CCDC34: variants seen among roughly 807,000 people sequenced by gnomAD.
CCDC34 encodes the protein coiled-coil domain-containing protein 34.
Under a neutral mutation model 44.1 loss-of-function variants are expected in CCDC34, and 40 were observed. The observed-to-expected ratio is 0.91, with a 90% CI of 0.70 to 1.18. The LOEUF (loss-of-function observed/expected upper bound fraction) is 1.18. Ranked by LOEUF, CCDC34 falls within the 50% of genes most tolerant of loss-of-function variation. The pLI is 0.00. For missense variants in CCDC34, 466 were observed against 452.3 expected (o/e 1.03, Z -0.28); for synonymous variants, 159 against 158.2 (o/e 1.01, Z -0.04).
At position 27,349,003 on chromosome 11, in the gene CCDC34, G is replaced by A. The variant is rs1862471047; in HGVS notation, c.606+1329C>T. 1.4e-5 allele frequency: 14 copies of A among 983,576 alleles called. No homozygotes were observed. The South Asian group carries it at 6.1e-4, about 43-fold the overall frequency. 60.9% of individuals were successfully genotyped at this position (983,576 alleles called of 1,614,324 possible). On this transcript the variant is annotated intron_variant, in intron 3 of 5. Coordinates refer to ENST00000328697, the MANE Select transcript of CCDC34 (RefSeq NM_030771.2). ...AATTTTTTTTTTCTTCAAATAATTG[G>A]ATTAGGTCTACTGCCACTAATTAAA... is the stretch of plus-strand genomic sequence containing the variant.
Position 27,338,926 on chromosome 11 carries a change from C to G in CCDC34, c.1017G>C (p.Lys339Asn), listed in dbSNP as rs760726965. Residue 339 changes from lysine to asparagine, a missense_variant, in exon 6 of 6, where the codon AAG becomes AAC. Physicochemically the swap from Lys to Asn is moderately conservative, Grantham distance 94. Transcript: ENST00000328697. ...PKEAKDLSGRKSKRPVISQPH... is the reference protein window; with the variant it reads ...PKEAKDLSGRNSKRPVISQPH... ...GCTGACTTATCACAGGTCTTTTACT[C>G]TTCCTTCCTGATAGATCCTTAGCTT... 1 of 1,613,704 alleles carries G rather than the reference C, an allele frequency of 6.2e-7. No homozygotes were observed. Among genetic ancestry groups the G allele is most frequent in the East Asian group, 2.2e-5 (1 of 44,834 alleles).
In CCDC34 at chr11:27,363,202, G is replaced by C; in HGVS notation, c.-8C>G. 6.8e-7 allele frequency: 1 copy of C among 1,461,336 alleles called. No homozygotes were observed. The highest frequency in any genetic ancestry group is 9.0e-7 in the Non-Finnish European group (1 of 1,114,146). 90.5% of individuals were successfully genotyped at this position (1,461,336 alleles called of 1,614,324 possible). On this transcript the variant is annotated 5_prime_UTR_variant, in exon 1 of 6. Coordinates refer to ENST00000328697, the MANE Select transcript of CCDC34 (RefSeq NM_030771.2). ...GCGCCCCGCCGCCCACATCTGGCCCGCCAAGTTCAAACTGGCGGAGCCGCG... is the reference window on the plus strand; with the variant it reads ...GCGCCCCGCCGCCCACATCTGGCCCCCCAAGTTCAAACTGGCGGAGCCGCG...
chr11:27,348,942 T>A, intron 3 of CCDC34: 1 of 985,198 alleles, frequency 1.0e-6, no homozygotes. Context: ...AACTAGTGAT[T>A]TATGTCAGGG....
intron 1 of CCDC34, among the ~76,000 whole-genome samples, chr11:27,362,553 A>G (rs553875416): frequency 6.6e-6 from 1 of 152,324 alleles, no homozygotes; most frequent in Admixed American, 6.5e-5. Context: ...CTGAAATGGT[A>G]GCAGAGTTTT....
At chr11:27,358,453 A>G (rs1319849816) in intron 1 of CCDC34, among the ~76,000 whole-genome samples, 1 of 152,208 alleles carries the variant, frequency 6.6e-6, no homozygotes, top group Non-Finnish European at 1.5e-5. Flanking sequence ...TCCTGCTTAT[A>G]GCAACCAATT....
At chr11:27,349,162 C>G in intron 3 of CCDC34, 1 of 976,374 alleles carries the variant, frequency 1.0e-6, no homozygotes, top group South Asian at 4.7e-5. Context: ...GCAAACTATT[C>G]TGCATGTGTA....
chr11:27,345,971 T>C (rs1001849499), intron 3 of CCDC34, among the ~76,000 whole-genome samples: 2 of 152,076 alleles, frequency 1.3e-5, no homozygotes, highest in African/African-American at 4.8e-5. Flanking sequence ...TTTTAATGAT[T>C]GCCATTCTAA....
chr11:27,363,123 G>T lies in CCDC34; in HGVS notation c.72C>A (p.Pro24=). ...SYAGFSADCR[P]RSRPSSDSCS... Reference sequence around the variant, plus strand: ...AGGAGTCCGAGGAGGGCCGAGACCTGGGTCTGCAGTCAGCAGAGAAACCGG... The same window carrying T: ...AGGAGTCCGAGGAGGGCCGAGACCTTGGTCTGCAGTCAGCAGAGAAACCGG... Residue 24 remains proline, a synonymous_variant, in exon 1 of 6, where the codon CCC becomes CCA. Transcript: ENST00000328697. 6.4e-7 allele frequency: 1 copy of T among 1,563,872 alleles called. No individual in the cohort carries two copies. The highest frequency in any genetic ancestry group is 2.3e-5 in the East Asian group (1 of 44,176).
At chr11:27,348,343 G>T (rs570274990) in intron 3 of CCDC34, among the ~76,000 whole-genome samples, 1 of 152,208 alleles carries the variant, frequency 6.6e-6, no homozygotes, top group Admixed American at 6.5e-5. Flanking sequence ...TGTGTTTTGA[G>T]AACGAAAAAC....
intron 3 of CCDC34, among the ~76,000 whole-genome samples, chr11:27,343,485 T>C (rs1012906238): frequency 3.9e-5 from 6 of 151,926 alleles, no homozygotes; most frequent in African/African-American, 1.2e-4. Flanking sequence ...GGGCAGCCAA[T>C]AGCTGTGAAA....
At chr11:27,361,565 C>A (rs886462230) in intron 1 of CCDC34, among the ~76,000 whole-genome samples, 2 of 152,124 alleles carry the variant, frequency 1.3e-5, no homozygotes, top group Non-Finnish European at 2.9e-5. Context: ...TCAGAGGAGG[C>A]CTGTTTCTTG....
At chr11:27,357,670 C>A in intron 1 of CCDC34, 129 bp from the exon 2 acceptor site, 1 of 727,418 alleles carries the variant, frequency 1.4e-6, no homozygotes, top group Non-Finnish European at 2.1e-6. Context: ...TACAAATATA[C>A]AGGAATTATA....
chr11:27,345,555 G>A (rs917689587), intron 3 of CCDC34, among the ~76,000 whole-genome samples: 17 of 152,022 alleles, frequency 1.1e-4, no homozygotes, highest in African/African-American at 3.9e-4. Flanking sequence ...TTGTCCTTGC[G>A]ACAGTTTGCT....
At position 27,350,418 on chromosome 11, in the gene CCDC34, T is replaced by G; in HGVS notation, c.520A>C (p.Lys174Gln). The change falls in exon 3 of 6, where the codon AAA (lysine) becomes CAA (glutamine). Residue 174 changes from lysine (K) to glutamine (Q), a missense_variant. Physicochemically the swap from Lys to Gln is moderately conservative, Grantham distance 53 (BLOSUM62 1). Coordinates refer to ENST00000328697, the MANE Select transcript of CCDC34 (RefSeq NM_030771.2). ...TCACGTTCTTCCATTTCTTTTCTTT[T>G]TTCTAGTTGTTGATTTAATTCCTGT... ...ALEELNQQLE[K>Q]RKEMEEREKR... The G allele has an allele frequency of 6.2e-7, 1 of 1,606,438 alleles. No homozygotes were observed. Among genetic ancestry groups the G allele is most frequent in the Non-Finnish European group, 8.5e-7 (1 of 1,175,820 alleles).
intron 3 of CCDC34, among the ~76,000 whole-genome samples, chr11:27,342,042 C>T (rs1334280001): frequency 6.6e-6 from 1 of 152,110 alleles, no homozygotes; most frequent in Non-Finnish European, 1.5e-5. Context: ...ACGTGACTTG[C>T]TCCTCCTTGC....
chr11:27,347,438 A>G (rs1862449531), intron 3 of CCDC34, among the ~76,000 whole-genome samples: 1 of 152,216 alleles, frequency 6.6e-6, no homozygotes, highest in South Asian at 2.1e-4. Flanking sequence ...TTTATTCATA[A>G]TATCCCAAAC....
intron 2 of CCDC34, among the ~76,000 whole-genome samples, chr11:27,355,605 CCT>C (rs939644900): frequency 3.3e-5 from 5 of 152,098 alleles, no homozygotes; most frequent in Admixed American, 1.3e-4. Context: ...TCACAAAACC[CCT>C]GTGACACAGG....
At chr11:27,342,352 T>C (rs1392418508) in intron 3 of CCDC34, among the ~76,000 whole-genome samples, 1 of 147,928 alleles carries the variant, frequency 6.8e-6, no homozygotes, top group Non-Finnish European at 1.5e-5. Context: ...AATATATGTA[T>C]ATATATGTAT....
chr11:27,338,638 G>A lies in CCDC34; in HGVS notation c.*183C>T. On this transcript the variant is annotated 3_prime_UTR_variant, in exon 6 of 6. Coordinates refer to ENST00000328697, the MANE Select transcript of CCDC34 (RefSeq NM_030771.2). ...AACATGCCAAGATCAACCTTAAAAAGTTTATAAAAACCAAAATCCAGAAAA... is the reference window on the plus strand; with the variant it reads ...AACATGCCAAGATCAACCTTAAAAAATTTATAAAAACCAAAATCCAGAAAA... 1 of 556,132 alleles carries A rather than the reference G, an allele frequency of 1.8e-6. No individual in the cohort carries two copies. Among genetic ancestry groups the A allele is most frequent in the Non-Finnish European group, 3.1e-6 (1 of 323,302 alleles). 34.4% of individuals were successfully genotyped at this position (556,132 alleles called of 1,614,324 possible).
Sources: gnomAD v4.1 joint callset for allele counts (sites outside exome capture counted in the v4.1 genomes callset) on GRCh38, gnomAD v4.1.1 for gene constraint, MANE v1.5 for transcripts, NCBI Gene and HGNC (gene_info 2026-07-23, HGNC 2026-07-21) for gene names.